Variants in MAOB observed in about 807,000 individuals in gnomAD.
MAOB encodes monoamine oxidase B.
A neutral mutation model predicts 41.9 loss-of-function variants in MAOB; 15 were observed. The observed-to-expected ratio is 0.36, with a 90% confidence interval of 0.24 to 0.55. The LOEUF is 0.55. Among genes scored for constraint, MAOB ranks in the 20% least tolerant of loss-of-function variants. MAOB has a pLI of 0.86. For synonymous variants in MAOB, 167 were observed against 144.2 expected (o/e 1.16, Z -1.13); for missense variants, 345 against 398.7 (o/e 0.87, Z 1.15).
chrX:43,805,538 T>G (rs751465662), intron 3 of MAOB, among the ~76,000 whole-genome samples: 1 of 112,019 alleles, frequency 8.9e-6, no homozygotes, highest in Non-Finnish European at 1.9e-5. Flanking sequence ...CATTTTTTAA[T>G]GGACTCATAC....
At chrX:43,788,604 T>C (rs1440304941) in intron 8 of MAOB, among the ~76,000 whole-genome samples, 1 of 111,212 alleles carries the variant, frequency 9.0e-6, no homozygotes, top group Non-Finnish European at 1.9e-5. Context: ...ACAGCTGATG[T>C]CTTGGGTAAA....
intron 1 of MAOB, among the ~76,000 whole-genome samples, chrX:43,879,541 T>C (rs1197418395): frequency 8.9e-6 from 1 of 111,799 alleles, no homozygotes; most frequent in Non-Finnish European, 1.9e-5. Flanking sequence ...CCCAATTTCA[T>C]TCCAACTGCT....
chrX:43,775,338 G>T, intron 11 of MAOB, 66 bp from the exon 12 acceptor site: 1 of 1,157,966 alleles, frequency 8.6e-7, no homozygotes, highest in Non-Finnish European at 1.1e-6. Context: ...AGAATAAATC[G>T]AACAGTTTAG....
At chrX:43,847,311 C>G (rs2035213944) in intron 1 of MAOB, among the ~76,000 whole-genome samples, 1 of 111,170 alleles carries the variant, frequency 9.0e-6, no homozygotes, top group Non-Finnish European at 1.9e-5. Flanking sequence ...TGCCACTGCA[C>G]TCCAGCCTGG....
Position 43,856,961 on chromosome X carries a change from T to C in MAOB, c.47-13197A>G, listed in dbSNP as rs1159326655. Among the ~76,000 whole-genome samples, 4 of 103,630 alleles carry C rather than the reference T, an allele frequency of 3.9e-5. No homozygotes were observed. The East Asian group carries it at 9.3e-4, about 24-fold the overall frequency. The allele number at this position is 103,630 out of a possible 115,157, so 90.0% of individuals were successfully genotyped here. On this transcript the variant is annotated intron_variant, in intron 1 of 14. Transcript: ENST00000378069. Reference sequence around the variant, plus strand: ...TCCATTTAACTACAATTTAATTTTTTTTTTTTTCATTTAAGGTAAAAGCAT... The same window carrying C: ...TCCATTTAACTACAATTTAATTTTTCTTTTTTTCATTTAAGGTAAAAGCAT...
intron 3 of MAOB, among the ~76,000 whole-genome samples, chrX:43,809,423 A>G (rs1442614718): frequency 1.8e-5 from 2 of 112,555 alleles, no homozygotes; most frequent in African/African-American, 3.2e-5. Context: ...GCAGAATAAA[A>G]CACTTTACCC....
rs756442009 is a variant in MAOB, at chrX:43,767,713, T to C, written c.1411-95A>G. 72 of 821,482 alleles carry C rather than the reference T, an allele frequency of 8.8e-5. No individual in the cohort carries two copies. The South Asian group carries it at 2.1e-3, about 24-fold the overall frequency. The allele number at this position is 821,482 out of a possible 1,213,427, so 67.7% of individuals were successfully genotyped here. ...CCAGCTCTCTGAACATGACCCATTC[T>C]TGCCAACGTCTAGACCAGTAAACAC... On this transcript the variant is annotated intron_variant, in intron 14 of 14. Transcript: ENST00000378069.
At chrX:43,834,012 G>A (rs1276009729) in intron 3 of MAOB, among the ~76,000 whole-genome samples, 1 of 112,101 alleles carries the variant, frequency 8.9e-6, no homozygotes, top group Non-Finnish European at 1.9e-5. Flanking sequence ...ACTTACTAGA[G>A]AGAAAATTAC....
chrX:43,862,023 G>A (rs1407333106), intron 1 of MAOB, among the ~76,000 whole-genome samples: 1 of 111,166 alleles, frequency 9.0e-6, no homozygotes, highest in African/African-American at 3.3e-5. Flanking sequence ...TCATGTTGAA[G>A]AGAGGTATAA....
At chrX:43,792,693 A>G (rs1057270772) in intron 8 of MAOB, among the ~76,000 whole-genome samples, 2 of 112,026 alleles carry the variant, frequency 1.8e-5, no homozygotes, top group Non-Finnish European at 3.8e-5. Flanking sequence ...AAAATAAGAG[A>G]TGTTGGAGAA....
chrX:43,874,574 T>C lies in MAOB; in HGVS notation c.46+7680A>G, dbSNP rs148983327. Reference sequence around the variant, plus strand: ...CTAACTTTTCACTTTGTTTTTCAATTGCTCGTTTTTGGATCCTGCCCCCCT... The same window carrying C: ...CTAACTTTTCACTTTGTTTTTCAATCGCTCGTTTTTGGATCCTGCCCCCCT... On this transcript the variant is annotated intron_variant, in intron 1 of 14. Coordinates refer to ENST00000378069, the MANE Select transcript of MAOB (RefSeq NM_000898.5). 0.013 allele frequency among the ~76,000 whole-genome samples: 1,502 copies of C among 111,516 alleles called. 41 individuals are homozygous for C. In the South Asian group the frequency reaches 0.16, roughly 12 times the overall value.
At chrX:43,818,432 G>A (rs2034844406) in intron 3 of MAOB, among the ~76,000 whole-genome samples, 1 of 111,974 alleles carries the variant, frequency 8.9e-6, no homozygotes, top group Non-Finnish European at 1.9e-5. Context: ...ATTCAGGTGT[G>A]CTTAACATCA....
intron 1 of MAOB, among the ~76,000 whole-genome samples, chrX:43,846,617 A>G (rs1256492771): frequency 2.7e-5 from 3 of 111,240 alleles, no homozygotes; most frequent in Non-Finnish European, 5.7e-5. Flanking sequence ...ATTTAGAAGG[A>G]GGGAATTTTA....
intron 1 of MAOB, among the ~76,000 whole-genome samples, chrX:43,847,476 A>G (rs1164760049): frequency 8.9e-6 from 1 of 112,015 alleles, no homozygotes; most frequent in African/African-American, 3.2e-5. Flanking sequence ...GAGGAATATT[A>G]TTATCCTCAT....
At chrX:43,809,841 C>T (rs1457800078) in intron 3 of MAOB, among the ~76,000 whole-genome samples, 1 of 111,832 alleles carries the variant, frequency 8.9e-6, no homozygotes, top group Admixed American at 9.5e-5. Flanking sequence ...ATTACAGCAG[C>T]CCTGTTAAGT....
chrX:43,841,416 T>G (rs757203792), intron 2 of MAOB, among the ~76,000 whole-genome samples: 4 of 111,915 alleles, frequency 3.6e-5, no homozygotes, highest in South Asian at 7.5e-4. Context: ...TTAGTTTATG[T>G]GAATAAATAA....
At chrX:43,873,150 A>G (rs1037471458) in intron 1 of MAOB, among the ~76,000 whole-genome samples, 2 of 112,181 alleles carry the variant, frequency 1.8e-5, no homozygotes, top group Non-Finnish European at 3.8e-5. Context: ...TCTTCCAATG[A>G]GCTTGTTTCT....
chrX:43,873,411 T>G (rs1310601859), intron 1 of MAOB, among the ~76,000 whole-genome samples: 1 of 110,729 alleles, frequency 9.0e-6, no homozygotes, highest in African/African-American at 3.3e-5. Context: ...TAGGACATTT[T>G]CATCATTGTG....
At chrX:43,837,445 G>A (rs1309724512) in intron 3 of MAOB, among the ~76,000 whole-genome samples, 1 of 112,312 alleles carries the variant, frequency 8.9e-6, no homozygotes, top group African/African-American at 3.2e-5. Flanking sequence ...TGATCCGCCC[G>A]CCTCAGCCTC....
Sources: allele counts gnomAD v4.1 joint callset (sites outside exome capture counted in the v4.1 genomes callset), GRCh38; gene constraint gnomAD v4.1.1; transcripts MANE v1.5; gene names NCBI Gene and HGNC (gene_info 2026-07-23, HGNC 2026-07-21).